The following MCPH1 variants were observed in gnomAD, a reference collection of about 807,000 sequenced individuals.
The protein encoded by MCPH1 is microcephalin.
MCPH1 carries 104 observed loss-of-function variants against 84.5 expected under a neutral mutation model. The observed-to-expected ratio is 1.23, with a 90% CI of 1.05 to 1.45. The LOEUF (loss-of-function observed/expected upper bound fraction) is 1.45. Ranked by LOEUF, MCPH1 falls within the 40% of genes most tolerant of loss-of-function variation. MCPH1 has a pLI of 0.00. For synonymous variants in MCPH1, 514 were observed against 366.8 expected, an observed-to-expected ratio of 1.40 and a Z score of -4.58; for missense variants, 1,498 against 1,005.7, an observed-to-expected ratio of 1.49 and a Z score of -6.62.
intron 12 of MCPH1, among the ~76,000 whole-genome samples, chr8:6,528,052 T>C (rs1334332619): frequency 1.4e-5 from 2 of 139,866 alleles, no homozygotes; most frequent in Non-Finnish European, 3.2e-5. Context: ...CGTACCACCA[T>C]ACCCAGCTAA....
intron 12 of MCPH1, chr8:6,513,772 A>G (rs1267282810): frequency 6.2e-7 from 1 of 1,614,072 alleles, no homozygotes; most frequent in South Asian, 1.1e-5. Context: ...TTAAGCACAT[A>G]GCGTTGCTGA....
intron 11 of MCPH1, among the ~76,000 whole-genome samples, chr8:6,486,441 T>A (rs1372665816): frequency 6.6e-6 from 1 of 152,052 alleles, no homozygotes; most frequent in Non-Finnish European, 1.5e-5. Context: ...TATTTCAGGG[T>A]TTGTGTGGTA....
intron 8 of MCPH1, among the ~76,000 whole-genome samples, chr8:6,454,669 A>T (rs1459003294): frequency 6.6e-6 from 1 of 152,098 alleles, no homozygotes; most frequent in Non-Finnish European, 1.5e-5. Context: ...ACTTGGGGGG[A>T]GTAAAATCAT....
intron 12 of MCPH1, among the ~76,000 whole-genome samples, chr8:6,580,216 A>G (rs1325525423): frequency 6.6e-6 from 1 of 152,204 alleles, no homozygotes; most frequent in African/African-American, 2.4e-5. Context: ...CCAGCCAACC[A>G]AAGGGAAAGG....
intron 12 of MCPH1, among the ~76,000 whole-genome samples, chr8:6,609,926 C>G (rs1004559736): frequency 6.7e-6 from 1 of 148,504 alleles, no homozygotes; most frequent in Non-Finnish European, 1.5e-5. Flanking sequence ...CCTTTTTTGT[C>G]TGGATAAGTT....
chr8:6,532,942 G>C (rs965155467), intron 12 of MCPH1, among the ~76,000 whole-genome samples: 1 of 152,178 alleles, frequency 6.6e-6, no homozygotes, highest in Non-Finnish European at 1.5e-5. Context: ...TCTCCACATA[G>C]ACTTGAGAAG....
chr8:6,497,491 G>C (rs764829080), intron 11 of MCPH1, among the ~76,000 whole-genome samples: 1 of 152,078 alleles, frequency 6.6e-6, no homozygotes, highest in Non-Finnish European at 1.5e-5. Flanking sequence ...GACAGAGGAA[G>C]ACTGTCTAAA....
intron 12 of MCPH1, among the ~76,000 whole-genome samples, chr8:6,570,551 A>T (rs766184627): frequency 6.6e-6 from 1 of 152,202 alleles, no homozygotes; most frequent in Non-Finnish European, 1.5e-5. Flanking sequence ...TCCACAGCCA[A>T]GGCCTTATCT....
chr8:6,483,498 A>G (rs80187325), intron 11 of MCPH1, among the ~76,000 whole-genome samples: 3,148 of 152,224 alleles, frequency 0.021, 56 homozygotes, highest in Middle Eastern at 0.044. Flanking sequence ...CCAGAAATAG[A>G]CCCCCAAAAT....
At chr8:6,617,932 T>TATCTATCTATCA (rs1226868589) in intron 12 of MCPH1, among the ~76,000 whole-genome samples, 8 of 151,884 alleles carry the variant, frequency 5.3e-5, no homozygotes, top group African/African-American at 1.9e-4. Flanking sequence ...TCTATCTATC[T>TATCTATCTATCA]ATCTATCTAT....
chr8:6,530,851 C>G (rs1341478077), intron 12 of MCPH1, among the ~76,000 whole-genome samples: 1 of 152,212 alleles, frequency 6.6e-6, no homozygotes, highest in Non-Finnish European at 1.5e-5. Flanking sequence ...CTGTGTCCTT[C>G]TAGAATGAGT....
chr8:6,472,713 C>G (rs924404974), intron 9 of MCPH1, among the ~76,000 whole-genome samples: 2 of 152,154 alleles, frequency 1.3e-5, no homozygotes, highest in African/African-American at 2.4e-5. Context: ...GGTAATCCAC[C>G]CGCCTCGGCT....
chr8:6,503,375 C>G, intron 12 of MCPH1: 1 of 1,042,002 alleles, frequency 9.6e-7, no homozygotes, highest in Non-Finnish European at 1.4e-6. Flanking sequence ...GGAGTAGGCA[C>G]ATGCAGATGA....
intron 11 of MCPH1, among the ~76,000 whole-genome samples, chr8:6,496,473 G>T (rs1811239424): frequency 6.6e-6 from 1 of 152,160 alleles, no homozygotes; most frequent in Non-Finnish European, 1.5e-5. Context: ...ACGATGTGGA[G>T]TCTTTTGTAT....
At chr8:6,524,704 C>G (rs1818006657) in intron 12 of MCPH1, among the ~76,000 whole-genome samples, 1 of 152,192 alleles carries the variant, frequency 6.6e-6, no homozygotes, top group African/African-American at 2.4e-5. Flanking sequence ...ATGGTCTTCA[C>G]ATCATCAAGC....
At chr8:6,504,690 T>A (rs1812923283) in intron 12 of MCPH1, among the ~76,000 whole-genome samples, 1 of 152,200 alleles carries the variant, frequency 6.6e-6, no homozygotes, top group African/African-American at 2.4e-5. Context: ...ACACTAAGGA[T>A]GCTAAGATCT....
chr8:6,647,958 A>C lies in MCPH1; in HGVS notation c.*4909A>C, dbSNP rs754694096. 2.0e-5 allele frequency: 3 copies of C among 152,236 alleles called. No homozygotes were observed. The highest frequency in any genetic ancestry group is 4.4e-5 in the Non-Finnish European group (3 of 68,050). The allele number at this position is 152,236 out of a possible 1,614,324, so 9.4% of individuals were successfully genotyped here. On this transcript the variant is annotated 3_prime_UTR_variant, in exon 14 of 14. Transcript: ENST00000344683. Reference sequence around the variant, plus strand: ...AAGAGAGAGAGAGAACGAGAGCTACATGGCAGCCCCAGGGCAATAGCTCTC... The same window carrying C: ...AAGAGAGAGAGAGAACGAGAGCTACCTGGCAGCCCCAGGGCAATAGCTCTC...
chr8:6,520,104 G>A, intron 12 of MCPH1: 2 of 1,225,900 alleles, frequency 1.6e-6, no homozygotes, highest in Non-Finnish European at 1.1e-6. Context: ...TCTTAAGTAA[G>A]CAAAAGGCTG....
At chr8:6,493,171 A>T (rs1810844980) in intron 11 of MCPH1, among the ~76,000 whole-genome samples, 1 of 152,254 alleles carries the variant, frequency 6.6e-6, no homozygotes. Context: ...TTTGGACTTC[A>T]CATGTGAGTA....
Sources: gnomAD v4.1 joint callset for allele counts (sites outside exome capture counted in the v4.1 genomes callset) on GRCh38, gnomAD v4.1.1 for gene constraint, MANE v1.5 for transcripts, NCBI Gene and HGNC (gene_info 2026-07-23, HGNC 2026-07-21) for gene names.